The following SLC25A39 variants were observed in gnomAD, a reference collection of about 807,000 sequenced individuals.
The protein encoded by SLC25A39 is mitochondrial glutathione transporter SLC25A39.
In SLC25A39, 44 loss-of-function variants were observed where a neutral mutation model predicts 46.6. The observed-to-expected ratio is 0.94, with a 90% CI of 0.74 to 1.21. The LOEUF is 1.21. Ranked by LOEUF, SLC25A39 falls within the 50% of genes most tolerant of loss-of-function variation. SLC25A39 has a pLI of 0.00. For missense variants in SLC25A39, 487 were observed against 473.0 expected (o/e 1.03, Z -0.28); for synonymous variants, 218 against 190.6 (o/e 1.14, Z -1.19).
In SLC25A39 at chr17:44,321,718, C is replaced by T; in HGVS notation, c.374G>A (p.Ser125Asn). The change falls in exon 6 of 12, where the codon AGC becomes AAC. Residue 125 changes from serine to asparagine, a missense_variant. By Grantham distance (46) the Ser-to-Asn change is conservative. Transcript: ENST00000377095. ...TACTCACAGGGTGGCGGGGAGGCCGCTCCAGAGGGTCCTGGTGCCCTCGTG... is the reference window on the plus strand; with the variant it reads ...TACTCACAGGGTGGCGGGGAGGCCGTTCCAGAGGGTCCTGGTGCCCTCGTG... The part of the protein sequence containing the change: ...VRHEGTRTLW[S>N]GLPATLVMTV... 1.2e-6 allele frequency: 2 copies of T among 1,612,468 alleles called. No individual in the cohort carries two copies. The highest frequency in any genetic ancestry group is 2.2e-5 in the South Asian group (2 of 90,934).
chr17:44,320,683 A>C lies in SLC25A39; in HGVS notation c.740T>G (p.Phe247Cys). The change falls in exon 9 of 12, where the codon TTC becomes TGC. Residue 247 changes from phenylalanine to cysteine, a missense_variant. Coordinates refer to ENST00000377095, the MANE Select transcript of SLC25A39 (RefSeq NM_001143780.3). ...CACAGAAGTCTGGTCCTTCGGCCTG[A>C]ACCCATTGAGCCAGCTCTTCACCAG... ...YELVKSWLNGFRPKDQTSVGM... is the reference protein window; with the variant it reads ...YELVKSWLNGCRPKDQTSVGM... 6.2e-7 allele frequency: 1 copy of C among 1,614,130 alleles called. No homozygotes were observed.
intron 7 of SLC25A39, 57 bp from the exon 8 acceptor site, chr17:44,321,288 C>G (rs79622469): frequency 6.3e-7 from 1 of 1,579,764 alleles, no homozygotes; most frequent in East Asian, 2.2e-5. Context: ...TCTTACATGG[C>G]ATCACCTACC....
rs945783205 is a variant in SLC25A39, at chr17:44,319,802, C to A, written c.*199G>T. On this transcript the variant is annotated 3_prime_UTR_variant, in exon 12 of 12. Coordinates refer to ENST00000377095, the MANE Select transcript of SLC25A39 (RefSeq NM_001143780.3). The stretch of plus-strand genomic sequence containing the variant: ...GGGGGTGGGTAAGTGATGATCCCCA[C>A]GACTGGAGCAGCAGGAAGAAGTTGT... 3.5e-6 allele frequency: 2 copies of A among 578,088 alleles called. No individual in the cohort carries two copies. Among genetic ancestry groups the A allele is most frequent in the Non-Finnish European group, 6.2e-6 (2 of 323,530 alleles). 35.8% of individuals were successfully genotyped at this position (578,088 alleles called of 1,614,324 possible).
chr17:44,320,042 A>C lies in SLC25A39; in HGVS notation c.1039T>G (p.Phe347Val). ...CGGTCCTGGTTCAGCCTCTGGAAGA[A>C]GCTTTTGCCGAACTCATAGGTGCTG... ...MISTYEFGKS[F>V]FQRLNQDRLL... The change falls in exon 12 of 12, where the codon TTC becomes GTC. Residue 347 changes from phenylalanine to valine, a missense_variant. Transcript: ENST00000377095. 6.2e-7 allele frequency: 1 copy of C among 1,613,958 alleles called. No individual in the cohort carries two copies. Among genetic ancestry groups the C allele is most frequent in the South Asian group, 1.1e-5 (1 of 91,082 alleles).
Position 44,322,457 on chromosome 17 carries a change from T to C in SLC25A39, c.286A>G (p.Thr96Ala), listed in dbSNP as rs770047191. 3.7e-6 allele frequency: 6 copies of C among 1,613,892 alleles called. No individual in the cohort carries two copies. The highest frequency in any genetic ancestry group is 1.7e-5 in the Admixed American group (1 of 59,986). The change falls in exon 5 of 12, where the codon ACC (threonine) becomes GCC (alanine). Residue 96 changes from threonine (T) to alanine (A), a missense_variant. Thr to Ala is a moderately conservative substitution (Grantham distance 58). Transcript: ENST00000377095. Reference sequence around the variant, plus strand: ...AAGCGGGTAGGGTCTTGAAACCAGGTGGCACAGCGGGCACCATTTGGGCAC... The same window carrying C: ...AAGCGGGTAGGGTCTTGAAACCAGGCGGCACAGCGGGCACCATTTGGGCAC... ...YLCPNGARCATWFQDPTRFTG... is the reference protein window; with the variant it reads ...YLCPNGARCAAWFQDPTRFTG...
At position 44,321,274 on chromosome 17, in the gene SLC25A39, C is replaced by G. The variant is rs531046839; in HGVS notation, c.518-43G>C. ...GTGACAATGGGGAGAAGTGAGATCACAGGTCTTACATGGCATCACCTACCT... is the reference window on the plus strand; with the variant it reads ...GTGACAATGGGGAGAAGTGAGATCAGAGGTCTTACATGGCATCACCTACCT... On this transcript the variant is annotated intron_variant, in intron 7 of 11. Coordinates refer to ENST00000377095, the MANE Select transcript of SLC25A39 (RefSeq NM_001143780.3). The G allele has an allele frequency of 2.7e-5, 42 of 1,584,764 alleles. No homozygotes were observed. In the South Asian group the frequency reaches 4.8e-4, roughly 18 times the overall value.
chr17:44,322,464 G>A lies in SLC25A39; in HGVS notation c.279C>T (p.Arg93=), dbSNP rs1382535732. The change falls in exon 5 of 12, where the codon CGC becomes CGT. Residue 93 remains arginine, a synonymous_variant. Transcript: ENST00000377095. ...TAGGGTCTTGAAACCAGGTGGCACA[G>A]CGGGCACCATTTGGGCACAGGTACA... ...EPLYLCPNGA[R]CATWFQDPTR... 6.2e-7 allele frequency: 1 copy of A among 1,614,054 alleles called. No individual in the cohort carries two copies. The highest frequency in any genetic ancestry group is 8.5e-7 in the Non-Finnish European group (1 of 1,180,042).
At position 44,323,312 on chromosome 17, in the gene SLC25A39, C is replaced by T. The variant is rs751761568; in HGVS notation, c.117G>A (p.Leu39=). The change falls in exon 3 of 12, where the codon CTG becomes CTA. Residue 39 remains leucine (L), a synonymous_variant. Coordinates refer to ENST00000377095, the MANE Select transcript of SLC25A39 (RefSeq NM_001143780.3). The stretch of plus-strand genomic sequence containing the variant: ...TGGCCATGGAGGGCCGCTGAGACTG[C>T]AGGCGAACCTTCACCACGTCCAGGG... The part of the protein sequence containing the change: ...MTPLDVVKVR[L]QSQRPSMASE... 1.6e-5 allele frequency: 26 copies of T among 1,613,116 alleles called. No individual in the cohort carries two copies. In the South Asian group the frequency reaches 2.5e-4, roughly 16 times the overall value.
chr17:44,321,855 C>G (rs112153156), intron 5 of SLC25A39, 88 bp from the exon 6 acceptor site: 3 of 1,362,360 alleles, frequency 2.2e-6, no homozygotes, highest in Non-Finnish European at 3.0e-6. Flanking sequence ...CTTTGCCTGA[C>G]GCCCTCAGCC....
At position 44,321,576 on chromosome 17, in the gene SLC25A39, G is replaced by C. The variant is rs374000796; in HGVS notation, c.393-18C>G. Reference sequence around the variant, plus strand: ...TCATCACCCTGGGGATACAGAGAGAGGTTAGCTGGGACTCCCAAAAGGACC... The same window carrying C: ...TCATCACCCTGGGGATACAGAGAGACGTTAGCTGGGACTCCCAAAAGGACC... On this transcript the variant is annotated intron_variant, in intron 6 of 11. Transcript: ENST00000377095. 2 of 1,612,982 alleles carry C rather than the reference G, an allele frequency of 1.2e-6. No homozygotes were observed. Among genetic ancestry groups the C allele is most frequent in the African/African-American group, 1.3e-5 (1 of 74,878 alleles).
intron 10 of SLC25A39, 29 bp downstream of exon 10, chr17:44,320,326 T>C: frequency 6.2e-7 from 1 of 1,613,360 alleles, no homozygotes; most frequent in East Asian, 2.2e-5. Context: ...ACCCCACCTG[T>C]CCCCTGCCAC....
chr17:44,321,298 C>T (rs1428769520), intron 7 of SLC25A39, 67 bp from the exon 8 acceptor site: 3 of 1,579,414 alleles, frequency 1.9e-6, no homozygotes, highest in Admixed American at 1.7e-5. Context: ...CATCACCTAC[C>T]TGCTGTCCCA....
rs376573435 is a variant in SLC25A39, at chr17:44,320,677, G to A, written c.746C>T (p.Pro249Leu). ...CATGCCCACAGAAGTCTGGTCCTTC[G>A]GCCTGAACCCATTGAGCCAGCTCTT... Reference protein sequence around the residue: ...LVKSWLNGFRPKDQTSVGMSF... With the variant: ...LVKSWLNGFRLKDQTSVGMSF... Residue 249 changes from proline (P) to leucine (L), a missense_variant, in exon 9 of 12, where the codon CCG (proline) becomes CTG (leucine). Coordinates refer to ENST00000377095, the MANE Select transcript of SLC25A39 (RefSeq NM_001143780.3). 5 of 1,614,006 alleles carry A rather than the reference G, an allele frequency of 3.1e-6. No individual in the cohort carries two copies. Among genetic ancestry groups the A allele is most frequent in the Admixed American group, 1.7e-5 (1 of 60,000 alleles).
In SLC25A39 at chr17:44,321,500, A is replaced by G. The variant is rs1473204448; in HGVS notation, c.451T>C (p.Phe151Leu). 6.2e-7 allele frequency: 1 copy of G among 1,614,004 alleles called. No individual in the cohort carries two copies. Among genetic ancestry groups the G allele is most frequent in the African/African-American group, 1.3e-5 (1 of 74,926 alleles). ...YFTAYDQLKA[F>L]LCGRALTSDL... Reference sequence around the variant, plus strand: ...GAGGTCAGGGCTCGACCACACAGGAAGGCCTTCAGTTGGTCATAGGCAGTG... The same window carrying G: ...GAGGTCAGGGCTCGACCACACAGGAGGGCCTTCAGTTGGTCATAGGCAGTG... The change falls in exon 7 of 12, where the codon TTC becomes CTC. Residue 151 changes from phenylalanine to leucine, a missense_variant. Coordinates refer to ENST00000377095, the MANE Select transcript of SLC25A39 (RefSeq NM_001143780.3).
chr17:44,323,293 T>C lies in SLC25A39; in HGVS notation c.136A>G (p.Met46Val), dbSNP rs771524143. The change falls in exon 3 of 12, where the codon ATG becomes GTG. Residue 46 changes from methionine (M) to valine (V), a missense_variant. Physicochemically the swap from Met to Val is conservative, Grantham distance 21. Transcript: ENST00000377095. ...KVRLQSQRPS[M>V]ASELMPSSRL... ...CAGGTCAGGTACTCACCGCTGGCCA[T>C]GGAGGGCCGCTGAGACTGCAGGCGA... The C allele has an allele frequency of 1.3e-4, 211 of 1,613,636 alleles. No homozygotes were observed. Among genetic ancestry groups the C allele is most frequent in the Non-Finnish European group, 1.8e-4 (208 of 1,179,942 alleles).
rs370785777 is a variant in SLC25A39 at position 44,322,527 on chromosome 17, C to T, written c.216G>A (p.Gly72=). The change falls in exon 5 of 12, where the codon GGG becomes GGA. Residue 72 remains glycine (G), a synonymous_variant. Coordinates refer to ENST00000377095, the MANE Select transcript of SLC25A39 (RefSeq NM_001143780.3). The part of the protein sequence containing the change: ...TKLPSSLQST[G]KCLLYCNGVL... ...CACCATTGCAATACAGGAGGCACTT[C>T]CCTGTGGATTGGAGAGAGGAGGGCA... 6.2e-7 allele frequency: 1 copy of T among 1,613,972 alleles called. No individual in the cohort carries two copies. Among genetic ancestry groups the T allele is most frequent in the Non-Finnish European group, 8.5e-7 (1 of 1,180,010 alleles).
intron 4 of SLC25A39, 39 bp downstream of exon 4, chr17:44,322,769 T>A: frequency 6.2e-7 from 1 of 1,613,676 alleles, no homozygotes; most frequent in East Asian, 2.2e-5. Flanking sequence ...TGTCTCCCCC[T>A]TGCACCCTCC....
At chr17:44,323,677 GCA>G (rs2048134987) in intron 1 of SLC25A39, 100 bp from the exon 2 acceptor site, 1 of 803,158 alleles carries the variant, frequency 1.2e-6, no homozygotes, top group Non-Finnish European at 2.0e-6. Context: ...CTCGCTCTGC[GCA>G]CTGTTGCCAG....
At chr17:44,322,964 C>T in intron 3 of SLC25A39, 112 bp from the exon 4 acceptor site, 1 of 1,189,162 alleles carries the variant, frequency 8.4e-7, no homozygotes, top group Non-Finnish European at 1.2e-6. Flanking sequence ...GCTCTGTCGC[C>T]CACCCTGGAG....
Sources: gnomAD v4.1 joint callset for allele counts on GRCh38, gnomAD v4.1.1 for gene constraint, MANE v1.5 for transcripts, NCBI Gene and HGNC (gene_info 2026-07-23, HGNC 2026-07-21) for gene names.